SND1: variants seen among roughly 807,000 people sequenced by gnomAD.
SND1 encodes the protein staphylococcal nuclease domain-containing protein 1.
In SND1, 38 loss-of-function variants were observed where a neutral mutation model predicts 121.7. The observed-to-expected ratio is 0.31, with a 90% CI of 0.24 to 0.41. The LOEUF is 0.41. Ranked by LOEUF, SND1 falls within the 10% of genes least tolerant of loss-of-function variation. The pLI, the probability that SND1 is intolerant of heterozygous loss-of-function variation, is 1.00. For synonymous variants in SND1, 401 were observed against 447.4 expected, an observed-to-expected ratio of 0.90 and a Z score of 1.31; for missense variants, 868 against 1,184.6, an observed-to-expected ratio of 0.73 and a Z score of 3.92.
intron 15 of SND1, among the ~76,000 whole-genome samples, chr7:127,968,397 C>T (rs1344306406): frequency 6.6e-6 from 1 of 152,106 alleles, no homozygotes; most frequent in Admixed American, 6.5e-5. Flanking sequence ...AAGCCATTTC[C>T]ACAATAGTAG....
intron 16 of SND1, among the ~76,000 whole-genome samples, chr7:127,995,549 T>A (rs1039619823): frequency 1.3e-5 from 2 of 152,254 alleles, no homozygotes; most frequent in African/African-American, 4.8e-5. Context: ...TTTTATGTGG[T>A]CCTGGATATG....
Position 128,029,058 on chromosome 7 carries a change from A to G in SND1, c.1779+38002A>G, listed in dbSNP as rs1291987701. The G allele has an allele frequency of 6.2e-7, 1 of 1,613,920 alleles. No individual in the cohort carries two copies. Among genetic ancestry groups the G allele is most frequent in the Non-Finnish European group, 8.5e-7 (1 of 1,180,024 alleles). On this transcript the variant is annotated intron_variant, in intron 16 of 23. Transcript: ENST00000354725. The surrounding 1 kb of genome is among the most constrained non-coding windows in gnomAD (Gnocchi z 4.2). ...CACTGCCACAAAGCAGCCAATGATG[A>G]TCTTGGTGGTCTTCATGACTTCATC...
intron 1 of SND1, among the ~76,000 whole-genome samples, chr7:127,667,667 G>C (rs1406933139): frequency 6.6e-6 from 1 of 152,138 alleles, no homozygotes; most frequent in African/African-American, 2.4e-5. Context: ...ACGGATTTCT[G>C]GTAGTGCCCA....
intron 3 of SND1, among the ~76,000 whole-genome samples, chr7:127,695,803 GTGAC>G (rs1324186554): frequency 6.6e-6 from 1 of 152,196 alleles, no homozygotes; most frequent in Non-Finnish European, 1.5e-5. Context: ...TCTAGCCTGA[GTGAC>G]TGAGTGAGAT....
intron 1 of SND1, among the ~76,000 whole-genome samples, chr7:127,663,538 A>G (rs1201242325): frequency 6.6e-6 from 1 of 151,970 alleles, no homozygotes; most frequent in Non-Finnish European, 1.5e-5. Flanking sequence ...TGCCTGGCTA[A>G]TGTTTGTTTT....
intron 15 of SND1, among the ~76,000 whole-genome samples, chr7:127,933,462 A>G (rs1800994220): frequency 6.6e-6 from 1 of 152,272 alleles, no homozygotes; most frequent in African/African-American, 2.4e-5. Flanking sequence ...TGGCAAGAAT[A>G]CAGGACAGGG....
chr7:128,058,581 A>G (rs1793180027), intron 16 of SND1, among the ~76,000 whole-genome samples: 1 of 152,230 alleles, frequency 6.6e-6, no homozygotes, highest in African/African-American at 2.4e-5. Flanking sequence ...ACCAGGCACA[A>G]AGCATTTTGC....
At chr7:127,722,605 A>G (rs1461163352) in intron 10 of SND1, among the ~76,000 whole-genome samples, 1 of 152,196 alleles carries the variant, frequency 6.6e-6, no homozygotes, top group Non-Finnish European at 1.5e-5. Context: ...TAAAGGTGTG[A>G]AATTTGCTAT....
chr7:128,044,135 C>T (rs549832855), intron 16 of SND1, among the ~76,000 whole-genome samples: 20 of 152,282 alleles, frequency 1.3e-4, no homozygotes, highest in Middle Eastern at 6.8e-3. Context: ...GAGAAGAAAA[C>T]GCAACAAAAT....
intron 15 of SND1, among the ~76,000 whole-genome samples, chr7:127,975,806 C>T (rs1018785609): frequency 1.1e-4 from 16 of 152,284 alleles, no homozygotes; most frequent in South Asian, 8.3e-4. Flanking sequence ...GCGCCGAGCA[C>T]GCTACCCCGT....
chr7:127,878,287 A>C (rs1335132903), intron 12 of SND1, among the ~76,000 whole-genome samples: 1 of 152,286 alleles, frequency 6.6e-6, no homozygotes, highest in Non-Finnish European at 1.5e-5. Context: ...ACCTGTACAT[A>C]CTCTGAATGC....
chr7:127,714,948 T>G (rs1196122251), intron 9 of SND1, among the ~76,000 whole-genome samples: 1 of 152,238 alleles, frequency 6.6e-6, no homozygotes, highest in Non-Finnish European at 1.5e-5. Context: ...TGAACAATGC[T>G]GCTATCAACA....
At chr7:128,072,192 G>C (rs322834) in intron 16 of SND1, among the ~76,000 whole-genome samples, 4 of 152,096 alleles carry the variant, frequency 2.6e-5, no homozygotes, top group African/African-American at 7.2e-5. Flanking sequence ...GCAACTGTGC[G>C]TGCCTGGTTG....
intron 10 of SND1, among the ~76,000 whole-genome samples, chr7:127,777,542 C>T (rs1413764351): frequency 2.6e-5 from 4 of 152,128 alleles, no homozygotes; most frequent in Non-Finnish European, 5.9e-5. Flanking sequence ...CAGGAATGGA[C>T]AGTAGGGACA....
chr7:127,898,978 C>T (rs1372654557), intron 13 of SND1, among the ~76,000 whole-genome samples: 1 of 152,168 alleles, frequency 6.6e-6, no homozygotes, highest in African/African-American at 2.4e-5. Context: ...CCTACAGTCA[C>T]TTTGGCATTG....
chr7:127,800,050 C>T (rs1233284916), intron 10 of SND1, among the ~76,000 whole-genome samples: 1 of 152,122 alleles, frequency 6.6e-6, no homozygotes. Flanking sequence ...AGTGGCTATC[C>T]CTGTGTGTTC....
chr7:127,786,320 A>T (rs1797810957), intron 10 of SND1, among the ~76,000 whole-genome samples: 1 of 152,164 alleles, frequency 6.6e-6, no homozygotes, highest in South Asian at 2.1e-4. Flanking sequence ...GGCTTCTTGG[A>T]TAAAATACAT....
intron 11 of SND1, among the ~76,000 whole-genome samples, chr7:127,825,248 C>G (rs1178458162): frequency 2.0e-5 from 3 of 152,006 alleles, no homozygotes; most frequent in Admixed American, 1.3e-4. Context: ...GTAGCTGGGA[C>G]TACAGGCGCA....
At chr7:127,956,102 T>C (rs1427685381) in intron 15 of SND1, among the ~76,000 whole-genome samples, 1 of 152,212 alleles carries the variant, frequency 6.6e-6, no homozygotes, top group Non-Finnish European at 1.5e-5. Context: ...AACCTCAGTT[T>C]AGCATACATG....
Sources: allele counts gnomAD v4.1 joint callset (sites outside exome capture counted in the v4.1 genomes callset), GRCh38; gene constraint gnomAD v4.1.1; non-coding constraint Gnocchi (gnomAD v3.1); transcripts MANE v1.5; gene names NCBI Gene and HGNC (gene_info 2026-07-23, HGNC 2026-07-21).